The following SDK1 variants were observed in gnomAD, a reference collection of about 807,000 sequenced individuals.
SDK1 encodes the protein sidekick cell adhesion molecule 1, also known as protein sidekick-1.
Under a neutral mutation model 245.5 loss-of-function variants are expected in SDK1, and 157 were observed. That is an observed-to-expected ratio of 0.64 (90% CI 0.56 to 0.73). The LOEUF (loss-of-function observed/expected upper bound fraction) is 0.73. Among genes scored for constraint, SDK1 ranks in the 30% least tolerant of loss-of-function variants. SDK1 has a pLI of 0.00. For synonymous variants in SDK1, 1,647 were observed against 1,278.5 expected, an observed-to-expected ratio of 1.29 and a Z score of -6.15; for missense variants, 3,583 against 3,002.3, an observed-to-expected ratio of 1.19 and a Z score of -4.52.
chr7:3,909,169 A>G (rs1218103647), intron 5 of SDK1, among the ~76,000 whole-genome samples: 1 of 152,216 alleles, frequency 6.6e-6, no homozygotes, highest in Non-Finnish European at 1.5e-5. Flanking sequence ...AAGGCAGACC[A>G]TCTTCAGACG....
Position 4,048,917 on chromosome 7 carries a change from T to A in SDK1, c.2603-431T>A, listed in dbSNP as rs189536571. Among the ~76,000 whole-genome samples, 5 of 152,272 alleles carry A rather than the reference T, an allele frequency of 3.3e-5. No homozygotes were observed. The East Asian group carries it at 9.7e-4, about 29-fold the overall frequency. The stretch of plus-strand genomic sequence containing the variant: ...CAAGGGTGATGATTTTGTTTGCTTG[T>A]TCCCCACCCCCCGCCTCAATGTAAT... On this transcript the variant is annotated intron_variant, in intron 17 of 44. Coordinates refer to ENST00000404826, the MANE Select transcript of SDK1 (RefSeq NM_152744.4).
chr7:3,799,391 G>A (rs1779048387), intron 4 of SDK1, among the ~76,000 whole-genome samples: 1 of 151,488 alleles, frequency 6.6e-6, no homozygotes, highest in Non-Finnish European at 1.5e-5. Context: ...CGGTGTTGAA[G>A]GCATACGAAT....
At chr7:3,536,672 C>T (rs1472722606) in intron 1 of SDK1, among the ~76,000 whole-genome samples, 2 of 149,992 alleles carry the variant, frequency 1.3e-5, no homozygotes, top group African/African-American at 4.9e-5. Context: ...CCAGCCTGGG[C>T]AACAGAGTGG....
chr7:4,162,956 G>A (rs904469255), intron 32 of SDK1, among the ~76,000 whole-genome samples: 17 of 152,216 alleles, frequency 1.1e-4, no homozygotes, highest in African/African-American at 2.9e-4. Flanking sequence ...AGAGTGGGGC[G>A]GGGAGCTGTG....
chr7:3,695,191 A>T (rs1269243286), intron 4 of SDK1, among the ~76,000 whole-genome samples: 4 of 152,212 alleles, frequency 2.6e-5, no homozygotes, highest in African/African-American at 9.7e-5. Flanking sequence ...GTCTACTTAC[A>T]CTAGGCGCCT....
intron 5 of SDK1, among the ~76,000 whole-genome samples, chr7:3,871,928 T>G (rs1780965905): frequency 6.6e-6 from 1 of 152,248 alleles, no homozygotes; most frequent in African/African-American, 2.4e-5. Flanking sequence ...AAATCTGATG[T>G]TAGCTATATG....
At chr7:3,622,770 T>C (rs1781983603) in intron 2 of SDK1, among the ~76,000 whole-genome samples, 1 of 152,168 alleles carries the variant, frequency 6.6e-6, no homozygotes, top group East Asian at 1.9e-4. Flanking sequence ...TACTATGACA[T>C]GGGAAACGTA....
At position 3,353,412 on chromosome 7, in the gene SDK1, C is replaced by T. The variant is rs550263902; in HGVS notation, c.298+51528C>T. 2.0e-5 allele frequency among the ~76,000 whole-genome samples: 3 copies of T among 152,102 alleles called. No individual in the cohort carries two copies. In the East Asian group the frequency reaches 5.8e-4, roughly 29 times the overall value. On this transcript the variant is annotated intron_variant, in intron 1 of 44. Coordinates refer to ENST00000404826, the MANE Select transcript of SDK1 (RefSeq NM_152744.4). Reference sequence around the variant, plus strand: ...TGAACATAGGAACTCACATGACTCCCAATTTTTGAAGTAACCATAATTTCT... The same window carrying T: ...TGAACATAGGAACTCACATGACTCCTAATTTTTGAAGTAACCATAATTTCT...
intron 1 of SDK1, among the ~76,000 whole-genome samples, chr7:3,565,473 A>C (rs1352570549): frequency 6.6e-6 from 1 of 152,236 alleles, no homozygotes; most frequent in Non-Finnish European, 1.5e-5. Flanking sequence ...AGCAAGAGGC[A>C]TATGGATCTA....
chr7:3,715,764 G>A (rs947063825), intron 4 of SDK1, among the ~76,000 whole-genome samples: 9 of 151,980 alleles, frequency 5.9e-5, no homozygotes, highest in Non-Finnish European at 1.0e-4. Flanking sequence ...AACATACAAA[G>A]AACAAGGAAA....
At chr7:3,831,462 G>A (rs1157619986) in intron 5 of SDK1, among the ~76,000 whole-genome samples, 1 of 152,120 alleles carries the variant, frequency 6.6e-6, no homozygotes, top group South Asian at 2.1e-4. Flanking sequence ...AATCCAGATT[G>A]TGTGAGTTGC....
chr7:3,361,985 C>G (rs1265500142), intron 1 of SDK1, among the ~76,000 whole-genome samples: 1 of 152,134 alleles, frequency 6.6e-6, no homozygotes, highest in Non-Finnish European at 1.5e-5. Context: ...TGTCTTGGTA[C>G]CACGCTTTAT....
chr7:3,813,888 T>C (rs28778578), intron 4 of SDK1, among the ~76,000 whole-genome samples: 2 of 129,210 alleles, frequency 1.5e-5, no homozygotes, highest in Non-Finnish European at 3.2e-5. Flanking sequence ...TTTCATGTGT[T>C]TTTTGGCTGC....
intron 4 of SDK1, among the ~76,000 whole-genome samples, chr7:3,658,028 GC>G (rs1783242584): frequency 6.6e-6 from 1 of 152,182 alleles, no homozygotes; most frequent in South Asian, 2.1e-4. Context: ...CAGGCCTTGG[GC>G]CCCGTGATGC....
At chr7:3,518,151 G>T (rs903810883) in intron 1 of SDK1, among the ~76,000 whole-genome samples, 2 of 152,082 alleles carry the variant, frequency 1.3e-5, no homozygotes, top group African/African-American at 4.8e-5. Context: ...CCCAGTTTGA[G>T]TATGAGGCAG....
chr7:4,201,907 G>A (rs970241087), intron 35 of SDK1, among the ~76,000 whole-genome samples: 11 of 152,234 alleles, frequency 7.2e-5, no homozygotes, highest in Admixed American at 3.9e-4. Context: ...CACCTGGCAC[G>A]GCACAGAGTG....
intron 5 of SDK1, among the ~76,000 whole-genome samples, chr7:3,828,740 C>T (rs1779841806): frequency 7.1e-6 from 1 of 140,552 alleles, no homozygotes; most frequent in Non-Finnish European, 1.5e-5. Context: ...CAGCCTCTAA[C>T]TTCTGGGCTC....
At chr7:3,678,516 C>G (rs1234217483) in intron 4 of SDK1, among the ~76,000 whole-genome samples, 8 of 152,164 alleles carry the variant, frequency 5.3e-5, no homozygotes, top group Admixed American at 3.9e-4. Context: ...CTAAGTGAAA[C>G]AAGCCAGACA....
intron 4 of SDK1, among the ~76,000 whole-genome samples, chr7:3,761,318 C>G (rs1006600039): frequency 3.3e-5 from 4 of 121,304 alleles, no homozygotes; most frequent in African/African-American, 1.3e-4. Flanking sequence ...TAGGTGGCAA[C>G]TCATGTCAAC....
Sources: allele counts gnomAD v4.1 joint callset (sites outside exome capture counted in the v4.1 genomes callset), GRCh38; gene constraint gnomAD v4.1.1; transcripts MANE v1.5; gene names NCBI Gene and HGNC (gene_info 2026-07-23, HGNC 2026-07-21).